The following ERBIN variants were observed in gnomAD, a reference collection of about 807,000 sequenced individuals.
ERBIN encodes erbb2 interacting protein, also known as densin-180-like protein.
Under a neutral mutation model 158.4 loss-of-function variants are expected in ERBIN, and 60 were observed. That is an observed-to-expected ratio of 0.38 (90% CI 0.31 to 0.47). ERBIN has a LOEUF of 0.47. Among genes scored for constraint, ERBIN ranks in the 20% least tolerant of loss-of-function variants. The pLI, the probability that ERBIN is intolerant of heterozygous loss-of-function variation, is 0.99. For synonymous variants in ERBIN, 594 were observed against 557.2 expected (o/e 1.07, Z -0.93); for missense variants, 1,610 against 1,648.0 (o/e 0.98, Z 0.40).
intron 1 of ERBIN, among the ~76,000 whole-genome samples, chr5:65,963,991 G>A (rs1748238967): frequency 6.6e-6 from 1 of 151,958 alleles, no homozygotes; most frequent in Non-Finnish European, 1.5e-5. Flanking sequence ...AGTAGAGACG[G>A]GGTTTCACCA....
At chr5:66,066,457 A>G (rs1198937995) in intron 21 of ERBIN, among the ~76,000 whole-genome samples, 4 of 151,816 alleles carry the variant, frequency 2.6e-5, no homozygotes, top group East Asian at 3.8e-4. Flanking sequence ...GTAATAATCT[A>G]TTGAAGCTTA....
intron 1 of ERBIN, among the ~76,000 whole-genome samples, chr5:65,930,006 A>C (rs530983297): frequency 8.3e-4 from 126 of 152,246 alleles, no homozygotes; most frequent in African/African-American, 2.9e-3. Flanking sequence ...TAATTGTAAA[A>C]AAGAAACTTA....
At chr5:66,068,914 C>G in intron 21 of ERBIN, 1 of 1,535,728 alleles carries the variant, frequency 6.5e-7, no homozygotes, top group Non-Finnish European at 8.7e-7. Context: ...AATTTTACTA[C>G]TGTAAGCAGT....
chr5:66,014,807 C>A, intron 7 of ERBIN, 82 bp downstream of exon 7: 1 of 634,792 alleles, frequency 1.6e-6, no homozygotes, highest in South Asian at 2.5e-5. Context: ...TTTTTATTAC[C>A]TAAAATGTGG....
At chr5:65,962,663 CACAATT>C (rs1748054384) in intron 1 of ERBIN, among the ~76,000 whole-genome samples, 1 of 151,950 alleles carries the variant, frequency 6.6e-6, no homozygotes, top group African/African-American at 2.4e-5. Context: ...CATCAGGGCC[CACAATT>C]TTCTTCAAAC....
At chr5:66,024,554 A>G (rs1002985689) in intron 10 of ERBIN, 104 bp downstream of exon 10, 2 of 1,106,558 alleles carry the variant, frequency 1.8e-6, no homozygotes, top group African/African-American at 3.3e-5. Flanking sequence ...CTTCGTTACC[A>G]CAGGAACGGA....
chr5:65,953,569 C>T (rs1351111964), intron 1 of ERBIN, among the ~76,000 whole-genome samples: 2 of 152,162 alleles, frequency 1.3e-5, no homozygotes, highest in Non-Finnish European at 1.5e-5. Flanking sequence ...TCACAATACT[C>T]TACCTTGGGA....
At position 66,018,505 on chromosome 5, in the gene ERBIN, ATTATATAT is replaced by A. The variant is rs1319795162; in HGVS notation, c.534-2815_534-2808del. 7.1e-3 allele frequency among the ~76,000 whole-genome samples: 78 copies of A among 11,008 alleles called. 32 individuals are homozygous for A. Among genetic ancestry groups the A allele is most frequent in the Non-Finnish European group, 9.7e-3 (60 of 6,170 alleles). 7.2% of individuals were successfully genotyped at this position (11,008 alleles called of 152,430 possible). A position where few individuals can be genotyped will look rare whatever the true frequency, so the allele number is the denominator to read the frequency against. The stretch of plus-strand genomic sequence containing the variant: ...TTATATATTATATTATATAATATAT[ATTATATAT>A]TATATAATATATATTATATTATATA... On this transcript the variant is annotated intron_variant, in intron 7 of 25. Coordinates refer to ENST00000284037, the MANE Select transcript of ERBIN (RefSeq NM_001253697.2).
chr5:66,023,208 A>G (rs951055541), intron 8 of ERBIN, 82 bp from the exon 9 acceptor site: 9 of 985,300 alleles, frequency 9.1e-6, no homozygotes, highest in Non-Finnish European at 1.4e-5. Flanking sequence ...GTTATTAGAA[A>G]TTCCCAGGGC....
chr5:65,939,722 T>A (rs1206219098), intron 1 of ERBIN, among the ~76,000 whole-genome samples: 2 of 152,184 alleles, frequency 1.3e-5, no homozygotes, highest in Non-Finnish European at 2.9e-5. Flanking sequence ...GGTTTTCCTA[T>A]TTTTTTGGTG....
At chr5:65,995,983 T>C (rs1752390009) in intron 4 of ERBIN, among the ~76,000 whole-genome samples, 1 of 152,198 alleles carries the variant, frequency 6.6e-6, no homozygotes, top group Admixed American at 6.5e-5. Flanking sequence ...ATTGAGGTTT[T>C]TTAGTTTCTT....
intron 21 of ERBIN, among the ~76,000 whole-genome samples, chr5:66,058,363 T>A (rs1394703361): frequency 2.0e-5 from 3 of 152,186 alleles, no homozygotes; most frequent in African/African-American, 7.2e-5. Context: ...GTTCATATGC[T>A]TTGCCTACTT....
At chr5:66,042,604 A>G (rs971239452) in intron 15 of ERBIN, among the ~76,000 whole-genome samples, 2 of 152,234 alleles carry the variant, frequency 1.3e-5, no homozygotes, top group South Asian at 2.1e-4. Flanking sequence ...TGTTCACCCT[A>G]TATATCTGAT....
chr5:66,034,553 C>T (rs895185719), intron 14 of ERBIN, among the ~76,000 whole-genome samples: 15 of 151,292 alleles, frequency 9.9e-5, no homozygotes, highest in South Asian at 4.2e-4. Flanking sequence ...TCCCAAAGTG[C>T]TGGGATTACA....
intron 1 of ERBIN, among the ~76,000 whole-genome samples, chr5:65,949,440 T>C (rs1437344139): frequency 6.6e-6 from 1 of 152,192 alleles, no homozygotes; most frequent in Non-Finnish European, 1.5e-5. Flanking sequence ...AACCCCACTT[T>C]CTGGTAATTG....
chr5:66,060,722 A>C lies in ERBIN; in HGVS notation c.3633+5771A>C, dbSNP rs188374500. Reference sequence around the variant, plus strand: ...ACACACTGCTTTGAATGTGTCCCAGAGATTCTGGTATGTTGTGTCTTTATT... The same window carrying C: ...ACACACTGCTTTGAATGTGTCCCAGCGATTCTGGTATGTTGTGTCTTTATT... On this transcript the variant is annotated intron_variant, in intron 21 of 25. Coordinates refer to ENST00000284037, the MANE Select transcript of ERBIN (RefSeq NM_001253697.2). Among the ~76,000 whole-genome samples, 947 of 152,216 alleles carry C rather than the reference A, an allele frequency of 6.2e-3. 12 individuals carry two copies. The highest frequency in any genetic ancestry group is 0.022 in the African/African-American group (907 of 41,526).
chr5:65,961,075 AT>A, intron 1 of ERBIN: 1 of 152,340 alleles, frequency 6.6e-6, no homozygotes, highest in South Asian at 2.1e-4. Flanking sequence ...TAAACATTTG[AT>A]TAAAAACCTT....
intron 7 of ERBIN, among the ~76,000 whole-genome samples, chr5:66,015,389 C>CAG (rs76835263): frequency 6.6e-6 from 1 of 152,154 alleles, no homozygotes; most frequent in African/African-American, 2.4e-5. Context: ...TTTTTGTAAA[C>CAG]AAGTTTCGTT....
chr5:66,076,818 G>C, intron 24 of ERBIN, 57 bp from the exon 25 acceptor site: 1 of 1,307,832 alleles, frequency 7.6e-7, no homozygotes, highest in Non-Finnish European at 1.1e-6. Flanking sequence ...TTGCTCCTTG[G>C]TACTCTGTTA....
Sources: allele counts gnomAD v4.1 joint callset (sites outside exome capture counted in the v4.1 genomes callset), GRCh38; gene constraint gnomAD v4.1.1; transcripts MANE v1.5; gene names NCBI Gene and HGNC (gene_info 2026-07-23, HGNC 2026-07-21).